Variants in BTBD1 observed in about 807,000 individuals in gnomAD.
BTBD1 encodes BTB domain containing 1, also known as BTB/POZ domain-containing protein 1.
Under a neutral mutation model 48.0 loss-of-function variants are expected in BTBD1, and 34 were observed. That is an observed-to-expected ratio of 0.71 (90% CI 0.54 to 0.94). The LOEUF is 0.94. BTBD1 is among the 40% of genes least tolerant of loss of function. The pLI, the probability that BTBD1 is intolerant of heterozygous loss-of-function variation, is 0.00. For synonymous variants in BTBD1, 261 were observed against 242.1 expected (o/e 1.08, Z -0.72); for missense variants, 543 against 625.6 (o/e 0.87, Z 1.41).
chr15:83,044,435 T>C lies in BTBD1; in HGVS notation c.665-2510A>G. 2.5e-5 allele frequency: 39 copies of C among 1,577,430 alleles called. No homozygotes were observed. The South Asian group carries it at 3.7e-4, about 15-fold the overall frequency. On this transcript the variant is annotated intron_variant, in intron 3 of 7. Coordinates refer to ENST00000261721, the MANE Select transcript of BTBD1 (RefSeq NM_025238.4). ...GACAGCAAACGCTTTGATGAATACATGAAGGAGGAGGAGTGGGAACTGCTT... is the reference window on the plus strand; with the variant it reads ...GACAGCAAACGCTTTGATGAATACACGAAGGAGGAGGAGTGGGAACTGCTT...
At chr15:83,043,491 G>A (rs1596438119) in intron 3 of BTBD1, among the ~76,000 whole-genome samples, 1 of 152,160 alleles carries the variant, frequency 6.6e-6, no homozygotes, top group Admixed American at 6.5e-5. Flanking sequence ...GTTCTGAAAG[G>A]ATCACCCTGG....
intron 5 of BTBD1, among the ~76,000 whole-genome samples, chr15:83,021,501 C>T (rs1310705554): frequency 6.6e-6 from 1 of 152,150 alleles, no homozygotes; most frequent in Non-Finnish European, 1.5e-5. Flanking sequence ...ACACTGCAAT[C>T]CCAGCACTTT....
intron 1 of BTBD1, among the ~76,000 whole-genome samples, chr15:83,059,667 G>C (rs28580677): frequency 0.43 from 65,905 of 152,164 alleles, 15,432 homozygotes; most frequent in African/African-American, 0.59. Flanking sequence ...ACTGTATCCT[G>C]AAATTCCTGG....
Position 83,017,936 on chromosome 15 carries a change from G to T in BTBD1, c.*131C>A. On this transcript the variant is annotated 3_prime_UTR_variant, in exon 8 of 8. Transcript: ENST00000261721. ...GATTTAAATAAGCATTTTTCTATCT[G>T]CTCTAAGAAACTGTTTCTTATCTTA... 1 of 524,936 alleles carries T rather than the reference G, an allele frequency of 1.9e-6. No homozygotes were observed. Among genetic ancestry groups the T allele is most frequent in the Non-Finnish European group, 3.2e-6 (1 of 314,390 alleles). The allele number at this position is 524,936 out of a possible 1,614,324, so 32.5% of individuals were successfully genotyped here. A position where few individuals can be genotyped will look rare whatever the true frequency, so the allele number is the denominator to read the frequency against.
Position 83,066,892 on chromosome 15 carries a change from G to T in BTBD1, c.260C>A (p.Pro87Gln), listed in dbSNP as rs780353594. 1.3e-6 allele frequency: 2 copies of T among 1,508,168 alleles called. No individual in the cohort carries two copies. The highest frequency in any genetic ancestry group is 2.5e-5 in the Admixed American group (1 of 40,690). 93.4% of individuals were successfully genotyped at this position (1,508,168 alleles called of 1,614,324 possible). Residue 87 changes from proline (P) to glutamine (Q), a missense_variant, in exon 1 of 8, where the codon CCG becomes CAG. By Grantham distance (76) the Pro-to-Gln change is moderately conservative. Transcript: ENST00000261721. ...KGRGAAAAGG[P>Q]QRIPAHRFVL... ...GAAGCGGTGGGCGGGGATGCGCTGC[G>T]GGCCCCCAGCGGCGGCGGCGCCGCG...
intron 3 of BTBD1, among the ~76,000 whole-genome samples, chr15:83,045,726 A>C (rs1271064355): frequency 6.6e-6 from 1 of 152,194 alleles, no homozygotes; most frequent in Admixed American, 6.5e-5. Context: ...GATGAGTATA[A>C]ACTATGGCAC....
At chr15:83,021,719 G>A (rs1309893529) in intron 5 of BTBD1, among the ~76,000 whole-genome samples, 1 of 136,148 alleles carries the variant, frequency 7.3e-6, no homozygotes, top group Non-Finnish European at 1.6e-5. Flanking sequence ...TCCATCCTGG[G>A]TGACAGAGCG....
chr15:83,039,450 G>A (rs72755971), intron 4 of BTBD1, among the ~76,000 whole-genome samples: 3,260 of 152,196 alleles, frequency 0.021, 49 homozygotes, highest in Middle Eastern at 0.051. Context: ...GCCATTGTGG[G>A]AAGCAGTTTG....
intron 4 of BTBD1, among the ~76,000 whole-genome samples, chr15:83,037,433 T>TA (rs946816683): frequency 6.6e-5 from 10 of 152,062 alleles, no homozygotes; most frequent in African/African-American, 2.4e-4. Flanking sequence ...GTGTTAAAAA[T>TA]AAAAACCATA....
rs547972973 is a variant in BTBD1 at position 83,044,351 on chromosome 15, G to A, written c.665-2426C>T. The A allele has an allele frequency of 1.5e-4, 214 of 1,425,670 alleles. 1 individual carries two copies. In the South Asian group the frequency reaches 1.6e-3, roughly 11 times the overall value. 88.3% of individuals were successfully genotyped at this position (1,425,670 alleles called of 1,614,324 possible). ...GACGGCAACCCTGCTCTGCATGCCC[G>A]CCCGCCCGTGCCCACCATGGCCACA... On this transcript the variant is annotated intron_variant, in intron 3 of 7. Coordinates refer to ENST00000261721, the MANE Select transcript of BTBD1 (RefSeq NM_025238.4).
At position 83,066,837 on chromosome 15, in the gene BTBD1, G is replaced by A; in HGVS notation, c.315C>T (p.Asp105=). 6.9e-7 allele frequency: 1 copy of A among 1,447,544 alleles called. No homozygotes were observed. Among genetic ancestry groups the A allele is most frequent in the Non-Finnish European group, 9.1e-7 (1 of 1,104,504 alleles). The allele number at this position is 1,447,544 out of a possible 1,614,324, so 89.7% of individuals were successfully genotyped here. ...FVLAAGSAVF[D]AMFNGGMATT... is the part of the protein sequence containing the mutation. ...TGGCCATGCCGCCGTTGAACATGGC[G>A]TCAAAGACGGCGCTGCCGGCCGCCA... The change falls in exon 1 of 8, where the codon GAC becomes GAT. Residue 105 remains aspartate (D), a synonymous_variant. Transcript: ENST00000261721.
rs1003171390 is a variant in BTBD1 at position 83,044,298 on chromosome 15, C to T, written c.665-2373G>A. ...TTTCTCAAAGGGTCAAAATAAATACCCCAGTTCGACAGCAAGCTGCCCACG... is the reference window on the plus strand; with the variant it reads ...TTTCTCAAAGGGTCAAAATAAATACTCCAGTTCGACAGCAAGCTGCCCACG... On this transcript the variant is annotated intron_variant, in intron 3 of 7. Coordinates refer to ENST00000261721, the MANE Select transcript of BTBD1 (RefSeq NM_025238.4). The T allele has an allele frequency of 2.7e-5, 21 of 777,028 alleles. No individual in the cohort carries two copies. In the East Asian group the frequency reaches 4.3e-4, roughly 16 times the overall value. The allele number at this position is 777,028 out of a possible 1,614,324, so 48.1% of individuals were successfully genotyped here.
At chr15:83,040,401 A>AT (rs937037479) in intron 4 of BTBD1, among the ~76,000 whole-genome samples, 1 of 152,172 alleles carries the variant, frequency 6.6e-6, no homozygotes, top group African/African-American at 2.4e-5. Context: ...AGTTGAAATT[A>AT]TTTTTTAAAA....
chr15:83,064,234 TAAC>T (rs917580380), intron 1 of BTBD1, among the ~76,000 whole-genome samples: 4 of 152,174 alleles, frequency 2.6e-5, no homozygotes, highest in Non-Finnish European at 2.9e-5. Context: ...ACGTATTAGC[TAAC>T]AACAACATCT....
chr15:83,059,021 C>T (rs1277064333), intron 1 of BTBD1, among the ~76,000 whole-genome samples: 1 of 152,158 alleles, frequency 6.6e-6, no homozygotes, highest in African/African-American at 2.4e-5. Context: ...CAGTAATATA[C>T]TTTTGCTTTC....
At chr15:83,051,661 T>A (rs62010172) in intron 2 of BTBD1, among the ~76,000 whole-genome samples, 29,105 of 151,502 alleles carry the variant, frequency 0.19, 2,999 homozygotes, top group Non-Finnish European at 0.22. Context: ...ATTAAATCTA[T>A]CTCATGCAAT....
intron 4 of BTBD1, 139 bp from the exon 5 acceptor site, chr15:83,030,467 C>A: frequency 1.5e-6 from 1 of 675,752 alleles, no homozygotes; most frequent in Non-Finnish European, 2.5e-6. Context: ...ATAATTTTTG[C>A]ATATATTTTA....
intron 1 of BTBD1, among the ~76,000 whole-genome samples, chr15:83,057,781 T>C (rs2033112684): frequency 6.6e-6 from 1 of 152,270 alleles, no homozygotes; most frequent in Non-Finnish European, 1.5e-5. Context: ...CTTTTCCTTA[T>C]ATGTCAGATG....
At position 83,067,249 on chromosome 15, in the gene BTBD1, A is replaced by AGGCG; in HGVS notation, c.-99_-98insCGCC. On this transcript the variant is annotated 5_prime_UTR_variant, in exon 1 of 8. Coordinates refer to ENST00000261721, the MANE Select transcript of BTBD1 (RefSeq NM_025238.4). Reference sequence around the variant, plus strand: ...GCGCTGCCTCCCTGCCTTCCGGGAAAGGCGCTTCCGGGGGCCTCGCGCCTC... The same window carrying AGGCG: ...GCGCTGCCTCCCTGCCTTCCGGGAAAGGCGGGCGCTTCCGGGGGCCTCGCGCCTC... The AGGCG allele has an allele frequency of 8.1e-7, 1 of 1,235,620 alleles. No individual in the cohort carries two copies. The highest frequency in any genetic ancestry group is 2.4e-5 in the South Asian group (1 of 42,288). 76.5% of individuals were successfully genotyped at this position (1,235,620 alleles called of 1,614,324 possible). A position where few individuals can be genotyped will look rare whatever the true frequency, so the allele number is the denominator to read the frequency against.
Sources: gnomAD v4.1 joint callset for allele counts (sites outside exome capture counted in the v4.1 genomes callset) on GRCh38, gnomAD v4.1.1 for gene constraint, MANE v1.5 for transcripts, NCBI Gene and HGNC (gene_info 2026-07-23, HGNC 2026-07-21) for gene names.